The following ABL2 variants were observed in gnomAD, a reference collection of about 807,000 sequenced individuals.
ABL2 encodes the protein tyrosine-protein kinase ABL2.
A neutral mutation model predicts 107.7 loss-of-function variants in ABL2; 49 were observed. The ratio of observed to expected loss-of-function variants is 0.45; its 90% CI spans 0.36 to 0.58. ABL2 has a LOEUF of 0.58. ABL2 is among the 20% of genes least tolerant of loss of function. ABL2 has a pLI of 0.00. For missense variants in ABL2, 1,245 were observed against 1,457.0 expected, an observed-to-expected ratio of 0.85 and a Z score of 2.37; for synonymous variants, 549 against 548.6, an observed-to-expected ratio of 1.00 and a Z score of -0.01.
At chr1:179,115,067 T>G in intron 8 of ABL2, 37 bp from the exon 9 acceptor site, 1 of 1,542,914 alleles carries the variant, frequency 6.5e-7, no homozygotes. Context: ...TAGTGTTTCT[T>G]CTCCGATTAT....
intron 5 of ABL2, among the ~76,000 whole-genome samples, chr1:179,120,632 C>T (rs1184109798): frequency 6.6e-6 from 1 of 152,006 alleles, no homozygotes; most frequent in African/African-American, 2.4e-5. Context: ...GCAATGTTGG[C>T]CAGGATGCTC....
At chr1:179,158,953 AGT>A (rs1307595847) in intron 1 of ABL2, among the ~76,000 whole-genome samples, 1 of 152,220 alleles carries the variant, frequency 6.6e-6, no homozygotes, top group African/African-American at 2.4e-5. Context: ...ACACATGTGA[AGT>A]GTGAGGCAAT....
At chr1:179,196,111 T>C (rs993227806) in intron 1 of ABL2, among the ~76,000 whole-genome samples, 2 of 152,190 alleles carry the variant, frequency 1.3e-5, no homozygotes, top group African/African-American at 4.8e-5. Context: ...AGTTCCTAGA[T>C]GCCAGCCAAG....
At chr1:179,124,085 C>T (rs1655494692) in intron 4 of ABL2, among the ~76,000 whole-genome samples, 1 of 151,668 alleles carries the variant, frequency 6.6e-6, no homozygotes, top group Non-Finnish European at 1.5e-5. Context: ...ACTAAAAATA[C>T]AAAAAATTAG....
At chr1:179,143,225 GA>G (rs1657750442) in intron 1 of ABL2, 2 of 771,048 alleles carry the variant, frequency 2.6e-6, no homozygotes, top group African/African-American at 1.8e-5. Flanking sequence ...TGACCTAAAG[GA>G]AAATTTCCAG....
chr1:179,224,362 G>C (rs1369322560), intron 1 of ABL2, among the ~76,000 whole-genome samples: 1 of 151,752 alleles, frequency 6.6e-6, no homozygotes, highest in Non-Finnish European at 1.5e-5. Flanking sequence ...CGCCTCCGGG[G>C]TTCAGGGGAT....
At chr1:179,184,817 T>C (rs1660589983) in intron 1 of ABL2, among the ~76,000 whole-genome samples, 1 of 152,182 alleles carries the variant, frequency 6.6e-6, no homozygotes, top group Non-Finnish European at 1.5e-5. Flanking sequence ...CTCTTTTCTA[T>C]ACACCATGAT....
chr1:179,184,260 G>A (rs908623705), intron 1 of ABL2: 65 of 531,822 alleles, frequency 1.2e-4, no homozygotes, highest in African/African-American at 1.1e-3. Flanking sequence ...TTATTTTGAT[G>A]AAAATCCTTC....
At chr1:179,145,473 A>G (rs1236714381) in intron 1 of ABL2, among the ~76,000 whole-genome samples, 2 of 152,218 alleles carry the variant, frequency 1.3e-5, no homozygotes, top group African/African-American at 4.8e-5. Flanking sequence ...TATGTTAATA[A>G]CATATTTTTA....
At position 179,104,038 on chromosome 1, in the gene ABL2, T is replaced by G. The variant is rs529946732; in HGVS notation, c.*3680A>C. 1 of 232,248 alleles carries G rather than the reference T, an allele frequency of 4.3e-6. No individual in the cohort carries two copies. The highest frequency in any genetic ancestry group is 1.8e-4 in the South Asian group (1 of 5,486). 14.4% of individuals were successfully genotyped at this position (232,248 alleles called of 1,614,324 possible). On this transcript the variant is annotated 3_prime_UTR_variant, in exon 12 of 12. Transcript: ENST00000502732. The stretch of plus-strand genomic sequence containing the variant: ...ATCTGGAGTGGGGCTATTCCGTCAG[T>G]TTTTTTTGTTTGTTTTGTTTTGTTT...
intron 1 of ABL2, among the ~76,000 whole-genome samples, chr1:179,170,146 C>T (rs1659635892): frequency 6.6e-6 from 1 of 152,150 alleles, no homozygotes; most frequent in African/African-American, 2.4e-5. Flanking sequence ...CAGGAGGCAT[C>T]ATATGGTGAG....
chr1:179,139,780 G>A (rs1286639788), intron 1 of ABL2, among the ~76,000 whole-genome samples: 1 of 152,110 alleles, frequency 6.6e-6, no homozygotes, highest in Non-Finnish European at 1.5e-5. Flanking sequence ...GATTAGTGGA[G>A]GCATTTGATT....
chr1:179,155,020 C>T (rs1571212543), intron 1 of ABL2, among the ~76,000 whole-genome samples: 1 of 152,192 alleles, frequency 6.6e-6, no homozygotes, highest in East Asian at 1.9e-4. Flanking sequence ...CTTACAAATA[C>T]TTGGAAATGT....
At position 179,106,916 on chromosome 1, in the gene ABL2, G is replaced by C. The variant is rs1653502536; in HGVS notation, c.*802C>G. On this transcript the variant is annotated 3_prime_UTR_variant, in exon 12 of 12. Coordinates refer to ENST00000502732, the MANE Select transcript of ABL2 (RefSeq NM_007314.4). ...AGCCTGCCCAGCAAAAGACAGAGAA[G>C]AACCACTAGGGAGACCCCTGTACTT... 1 of 230,496 alleles carries C rather than the reference G, an allele frequency of 4.3e-6. No homozygotes were observed. The highest frequency in any genetic ancestry group is 5.7e-5 in the Admixed American group (1 of 17,698). The allele number at this position is 230,496 out of a possible 1,614,324, so 14.3% of individuals were successfully genotyped here.
In ABL2 at chr1:179,157,085, T is replaced by C. The variant is rs540621601; in HGVS notation, c.158-23711A>G. ...GCTTTAACTCCACCACCACTACCAA[T>C]ACAGGTTGAGTATTCTTAATCCAAC... On this transcript the variant is annotated intron_variant, in intron 1 of 11. Transcript: ENST00000502732. Among the ~76,000 whole-genome samples the C allele has an allele frequency of 5.3e-5, 8 of 152,216 alleles. No individual in the cohort carries two copies. In the South Asian group the frequency reaches 1.2e-3, roughly 24 times the overall value.
intron 1 of ABL2, among the ~76,000 whole-genome samples, chr1:179,199,687 T>C (rs956067017): frequency 6.6e-6 from 1 of 151,948 alleles, no homozygotes; most frequent in African/African-American, 2.4e-5. Context: ...AATACCAGAA[T>C]TTTAACATAG....
chr1:179,217,453 C>T (rs1662628598), intron 1 of ABL2, among the ~76,000 whole-genome samples: 1 of 151,838 alleles, frequency 6.6e-6, no homozygotes, highest in African/African-American at 2.4e-5. Flanking sequence ...TGGTGAAACC[C>T]CATCTCTACT....
At chr1:179,161,788 T>C (rs1338522709) in intron 1 of ABL2, among the ~76,000 whole-genome samples, 2 of 152,120 alleles carry the variant, frequency 1.3e-5, no homozygotes, top group African/African-American at 4.8e-5. Context: ...TCCCCCAAAG[T>C]TTGTATGTTA....
intron 1 of ABL2, among the ~76,000 whole-genome samples, chr1:179,199,482 CTT>C (rs78264545): frequency 0.063 from 9,643 of 152,158 alleles, 421 homozygotes; most frequent in Non-Finnish European, 0.088. Flanking sequence ...TACCTTCTCT[CTT>C]TTTCTCCCCC....
Sources: allele counts gnomAD v4.1 joint callset (sites outside exome capture counted in the v4.1 genomes callset), GRCh38; gene constraint gnomAD v4.1.1; transcripts MANE v1.5; gene names NCBI Gene and HGNC (gene_info 2026-07-23, HGNC 2026-07-21).